TTF1: variants seen among roughly 807,000 people sequenced by gnomAD.
TTF1 encodes the protein transcription termination factor 1.
A neutral mutation model predicts 80.2 loss-of-function variants in TTF1; 64 were observed. The ratio of observed to expected loss-of-function variants is 0.80; its 90% CI spans 0.65 to 0.98. TTF1 has a LOEUF of 0.98. Among genes scored for constraint, TTF1 ranks in the 50% least tolerant of loss-of-function variants. The pLI, the probability that TTF1 is intolerant of heterozygous loss-of-function variation, is 0.00. For synonymous variants in TTF1, 372 were observed against 382.7 expected, an observed-to-expected ratio of 0.97 and a Z score of 0.33; for missense variants, 1,023 against 1,086.2, an observed-to-expected ratio of 0.94 and a Z score of 0.82.
intron 4 of TTF1, among the ~76,000 whole-genome samples, chr9:132,397,382 AAG>A (rs997041273): frequency 2.0e-5 from 3 of 152,200 alleles, no homozygotes; most frequent in African/African-American, 7.2e-5. Context: ...CTTTAAATTC[AAG>A]AGAGATTTGC....
chr9:132,388,065 C>T, intron 8 of TTF1, 74 bp downstream of exon 8: 1 of 1,217,412 alleles, frequency 8.2e-7, no homozygotes, highest in East Asian at 2.4e-5. Flanking sequence ...TCACTGCAGA[C>T]TCTGCTGGGT....
At chr9:132,377,925 T>A (rs1849258039) in intron 10 of TTF1, among the ~76,000 whole-genome samples, 1 of 113,448 alleles carries the variant, frequency 8.8e-6, no homozygotes, top group Non-Finnish European at 1.7e-5. Flanking sequence ...TGTGAGTGCA[T>A]GTGGTGCGTG....
At chr9:132,401,193 G>C (rs1849755242) in intron 2 of TTF1, among the ~76,000 whole-genome samples, 1 of 152,094 alleles carries the variant, frequency 6.6e-6, no homozygotes, top group Non-Finnish European at 1.5e-5. Context: ...GCCAGGCATG[G>C]TGCATGCCGG....
chr9:132,389,332 G>A (rs933605851), intron 7 of TTF1, among the ~76,000 whole-genome samples: 1 of 151,662 alleles, frequency 6.6e-6, no homozygotes, highest in Non-Finnish European at 1.5e-5. Context: ...ACAGATGCCC[G>A]CCATCCCGCC....
Position 132,376,056 on chromosome 9 carries a change from A to T in TTF1, c.2577T>A (p.Val859=), listed in dbSNP as rs540955528. Residue 859 remains valine, a synonymous_variant, in exon 11 of 11, where the codon GTT becomes GTA. Coordinates refer to ENST00000334270, the MANE Select transcript of TTF1 (RefSeq NM_007344.4). Reference sequence around the variant, plus strand: ...AATAAAAGATGTCTCGAAATGGGAAAACTTGCTTGGGTGCTGCAGGAGTCT... The same window carrying T: ...AATAAAAGATGTCTCGAAATGGGAATACTTGCTTGGGTGCTGCAGGAGTCT... The part of the protein sequence containing the change: ...KIQTPAAPKQ[V]FPFRDIFYYE... The T allele has an allele frequency of 1.5e-5, 25 of 1,614,166 alleles. No individual in the cohort carries two copies. The African/African-American group carries it at 3.2e-4, about 21-fold the overall frequency.
At position 132,402,720 on chromosome 9, in the gene TTF1, G is replaced by A. The variant is rs1485817641; in HGVS notation, c.102C>T (p.His34=). Residue 34 remains histidine (H), a synonymous_variant, in exon 2 of 11, where the codon CAC becomes CAT. Coordinates refer to ENST00000334270, the MANE Select transcript of TTF1 (RefSeq NM_007344.4). ...CCAGGGAGGAGTCTCTGAAAATTTC[G>A]TGGGAATGTTTCTGAGGTCTTTCCT... ...IHKERPQKHS[H]EIFRDSSLVN... is the part of the protein sequence containing the mutation. 7 of 1,614,026 alleles carry A rather than the reference G, an allele frequency of 4.3e-6. No homozygotes were observed. In the East Asian group the frequency reaches 6.7e-5, roughly 15 times the overall value.
chr9:132,392,175 T>C lies in TTF1; in HGVS notation c.1888A>G (p.Met630Val). 1 of 1,614,194 alleles carries C rather than the reference T, an allele frequency of 6.2e-7. No individual in the cohort carries two copies. Among genetic ancestry groups the C allele is most frequent in the South Asian group, 1.1e-5 (1 of 91,084 alleles). The change falls in exon 6 of 11, where the codon ATG becomes GTG. Residue 630 changes from methionine (M) to valine (V), a missense_variant. By Grantham distance (21) the Met-to-Val change is conservative (BLOSUM62 1). Coordinates refer to ENST00000334270, the MANE Select transcript of TTF1 (RefSeq NM_007344.4). ...YSEGDTEKLK[M>V]YHSLLGNDWK... is the part of the protein sequence containing the mutation. Reference sequence around the variant, plus strand: ...TCATTCCCAAGGAGAGAATGGTACATCTTTAACTTCTCAGTATCTCCTTCG... The same window carrying C: ...TCATTCCCAAGGAGAGAATGGTACACCTTTAACTTCTCAGTATCTCCTTCG...
chr9:132,401,250 C>T lies in TTF1; in HGVS notation c.1367+205G>A, dbSNP rs149843012. 5.9e-3 allele frequency among the ~76,000 whole-genome samples: 893 copies of T among 152,022 alleles called. 14 individuals carry two copies. The highest frequency in any genetic ancestry group is 0.021 in the African/African-American group (850 of 41,416). On this transcript the variant is annotated intron_variant, in intron 2 of 10. Transcript: ENST00000334270. ...CTGAGGCTGGGGAATCGCTTGAACC[C>T]GGGAAGTGGAGGGTGCGGTAAGCCG...
intron 5 of TTF1, among the ~76,000 whole-genome samples, chr9:132,392,595 T>C (rs1354593868): frequency 3.9e-5 from 6 of 152,066 alleles, no homozygotes; most frequent in Admixed American, 2.6e-4. Flanking sequence ...TCCCCGTTGA[T>C]TGCTCCTGGA....
chr9:132,377,923 CAT>C (rs554549407), intron 10 of TTF1, among the ~76,000 whole-genome samples: 1 of 102,848 alleles, frequency 9.7e-6, no homozygotes, highest in African/African-American at 4.0e-5. Context: ...TGTGTGAGTG[CAT>C]GTGGTGCGTG....
chr9:132,389,018 C>T (rs1036634231), intron 7 of TTF1, among the ~76,000 whole-genome samples: 1 of 152,084 alleles, frequency 6.6e-6, no homozygotes, highest in African/African-American at 2.4e-5. Context: ...GGTAAATAAA[C>T]GTTCAGAGTT....
chr9:132,386,197 T>C (rs1849467014), intron 9 of TTF1, among the ~76,000 whole-genome samples: 2 of 152,174 alleles, frequency 1.3e-5, no homozygotes, highest in South Asian at 4.1e-4. Flanking sequence ...GGGTGGGCCA[T>C]AGGTATTATG....
chr9:132,377,162 G>A (rs562427911), intron 10 of TTF1, among the ~76,000 whole-genome samples: 1 of 150,732 alleles, frequency 6.6e-6, no homozygotes, highest in Non-Finnish European at 1.5e-5. Flanking sequence ...TGCATGTGGT[G>A]AGTGCATGCA....
rs757010978 is a variant in TTF1, at chr9:132,401,803, T to A, written c.1019A>T (p.Asn340Ile). Residue 340 changes from asparagine to isoleucine, a missense_variant, in exon 2 of 11, where the codon AAT becomes ATT. Coordinates refer to ENST00000334270, the MANE Select transcript of TTF1 (RefSeq NM_007344.4). ...GGCCACTGCCTCAAATTCCTGGTGA[T>A]TGGACTTTTTCTTTTTTTTCTTAGA... is the stretch of plus-strand genomic sequence containing the variant. Reference protein sequence around the residue: ...NKSKKKKKKSNHQEFEAVAMP... With the variant: ...NKSKKKKKKSIHQEFEAVAMP... 2 of 1,613,968 alleles carry A rather than the reference T, an allele frequency of 1.2e-6. No homozygotes were observed. Among genetic ancestry groups the A allele is most frequent in the South Asian group, 2.2e-5 (2 of 91,084 alleles).
At position 132,392,222 on chromosome 9, in the gene TTF1, A is replaced by C. The variant is rs1403351062; in HGVS notation, c.1857-16T>G. 6.2e-7 allele frequency: 1 copy of C among 1,613,724 alleles called. No individual in the cohort carries two copies. ...TTCGCTATACCTAGGAGAAAGGGAA[A>C]ATGTTTTACAAGTTTAAACGAACTA... On this transcript the variant is annotated splice_polypyrimidine_tract_variant and intron_variant, in intron 5 of 10. Coordinates refer to ENST00000334270, the MANE Select transcript of TTF1 (RefSeq NM_007344.4).
In TTF1 at chr9:132,392,136, C is replaced by G; in HGVS notation, c.1927G>C (p.Gly643Arg). 2.5e-6 allele frequency: 4 copies of G among 1,614,152 alleles called. No homozygotes were observed. Among genetic ancestry groups the G allele is most frequent in the Non-Finnish European group, 3.4e-6 (4 of 1,180,042 alleles). ...AGGCTACTTCGGGCCACCATCTCAC[C>G]AATCGTCTTCCAGTCATTCCCAAGG... ...SLLGNDWKTIGEMVARSSLSV... is the reference protein window; with the variant it reads ...SLLGNDWKTIREMVARSSLSV... Residue 643 changes from glycine (G) to arginine (R), a missense_variant, in exon 6 of 11, where the codon GGT (glycine) becomes CGT (arginine). Coordinates refer to ENST00000334270, the MANE Select transcript of TTF1 (RefSeq NM_007344.4).
chr9:132,390,136 C>A lies in TTF1; in HGVS notation c.2222+461G>T, dbSNP rs59391858. Among the ~76,000 whole-genome samples, 664 of 152,156 alleles carry A rather than the reference C, an allele frequency of 4.4e-3. 6 individuals are homozygous for A. The highest frequency in any genetic ancestry group is 0.016 in the African/African-American group (645 of 41,532). ...GACTACTGGTGGCTGTGAGCCACCACACTTGGCTAATTTTTGTATTTTTGG... is the reference window on the plus strand; with the variant it reads ...GACTACTGGTGGCTGTGAGCCACCAAACTTGGCTAATTTTTGTATTTTTGG... On this transcript the variant is annotated intron_variant, in intron 7 of 10. Transcript: ENST00000334270.
chr9:132,384,103 T>C lies in TTF1; in HGVS notation c.2378+2453A>G, dbSNP rs568558784. ...AACAGATAACAGTAATTGGAGGGAG[T>C]GAATGTAGATGTTTAATAAGGACGG... On this transcript the variant is annotated intron_variant, in intron 9 of 10. Coordinates refer to ENST00000334270, the MANE Select transcript of TTF1 (RefSeq NM_007344.4). The surrounding 1 kb of genome is among the most constrained non-coding windows in gnomAD (Gnocchi z 4.1). Among the ~76,000 whole-genome samples, 1 of 151,796 alleles carries C rather than the reference T, an allele frequency of 6.6e-6. No individual in the cohort carries two copies. The highest frequency in any genetic ancestry group is 1.9e-4 in the East Asian group (1 of 5,166).
At chr9:132,393,489 C>A in intron 5 of TTF1, among the ~76,000 whole-genome samples, 1 of 152,264 alleles carries the variant, frequency 6.6e-6, no homozygotes, top group Non-Finnish European at 1.5e-5. Flanking sequence ...AGTTAACTAG[C>A]CCAACCTATT....
Sources: allele counts gnomAD v4.1 joint callset (sites outside exome capture counted in the v4.1 genomes callset), GRCh38; gene constraint gnomAD v4.1.1; non-coding constraint Gnocchi (gnomAD v3.1); transcripts MANE v1.5; gene names NCBI Gene and HGNC (gene_info 2026-07-23, HGNC 2026-07-21).